LMBR1: variants seen among roughly 807,000 people sequenced by gnomAD.
The protein encoded by LMBR1 is limb development membrane protein 1.
In LMBR1, 52 loss-of-function variants were observed where a neutral mutation model predicts 73.9. The observed-to-expected ratio is 0.70, with a 90% CI of 0.56 to 0.89. The LOEUF (loss-of-function observed/expected upper bound fraction) is 0.89. Ranked by LOEUF, LMBR1 falls within the 40% of genes least tolerant of loss-of-function variation. LMBR1 has a pLI of 0.00. For missense variants in LMBR1, 539 were observed against 579.8 expected (o/e 0.93, Z 0.72); for synonymous variants, 215 against 209.4 (o/e 1.03, Z -0.23).
chr7:156,869,978 T>G (rs986523571), intron 1 of LMBR1, among the ~76,000 whole-genome samples: 12 of 152,034 alleles, frequency 7.9e-5, no homozygotes, highest in African/African-American at 2.9e-4. Context: ...TAAAAGACAT[T>G]TGACAATGAT....
chr7:156,789,244 C>A (rs978711321), intron 5 of LMBR1, among the ~76,000 whole-genome samples: 3 of 152,128 alleles, frequency 2.0e-5, no homozygotes, highest in Non-Finnish European at 4.4e-5. Flanking sequence ...TAAAAGAAGA[C>A]ACATTCACAT....
In LMBR1 at chr7:156,669,910, T is replaced by A. The variant is rs1325043680; in HGVS notation, n.867-623A>T. ...AGGAGGGCGGGCGGTCATGGCCTAG[T>A]GCCATGAAAATGAAACACAGATCCC... is the stretch of plus-strand genomic sequence containing the variant. On this transcript the variant is annotated intron_variant and non_coding_transcript_variant, in intron 4 of 4. Transcript: ENST00000430825. This position sits in a 1 kb window ranked among gnomAD's most constrained non-coding sequence, Gnocchi z 4.2. Among the ~76,000 whole-genome samples, 7 of 152,108 alleles carry A rather than the reference T, an allele frequency of 4.6e-5. No individual in the cohort carries two copies. Among genetic ancestry groups the A allele is most frequent in the Admixed American group, 4.6e-4 (7 of 15,270 alleles).
chr7:156,795,696 GTA>G (rs1327356863), intron 5 of LMBR1, among the ~76,000 whole-genome samples: 26 of 152,058 alleles, frequency 1.7e-4, no homozygotes, highest in Non-Finnish European at 4.4e-5. Context: ...GGGACCACAG[GTA>G]CCCATCGCCA....
At chr7:156,697,841 C>T (rs1808664080) in intron 15 of LMBR1, among the ~76,000 whole-genome samples, 1 of 152,134 alleles carries the variant, frequency 6.6e-6, no homozygotes, top group Non-Finnish European at 1.5e-5. Context: ...TGACATACAT[C>T]GTCTGCTTAT....
intron 5 of LMBR1, chr7:156,779,685 T>C (rs1211070680): frequency 2.3e-5 from 30 of 1,286,980 alleles, no homozygotes; most frequent in Non-Finnish European, 2.4e-5. Context: ...GTCATGTTTC[T>C]ATGGTGATGA....
intron 5 of LMBR1, among the ~76,000 whole-genome samples, chr7:156,795,103 C>A (rs537337596): frequency 2.0e-5 from 3 of 152,130 alleles, no homozygotes; most frequent in Admixed American, 6.5e-5. Flanking sequence ...ACCGGCCATT[C>A]CCTCAATACT....
intron 1 of LMBR1, among the ~76,000 whole-genome samples, chr7:156,886,974 G>A (rs957683299): frequency 1.3e-5 from 2 of 152,054 alleles, no homozygotes; most frequent in Non-Finnish European, 2.9e-5. Context: ...GGTTTCCTGG[G>A]GTCCCCTTAG....
chr7:156,827,676 G>A (rs906433689), intron 3 of LMBR1, among the ~76,000 whole-genome samples: 8 of 151,852 alleles, frequency 5.3e-5, no homozygotes, highest in African/African-American at 1.9e-4. Context: ...AGTTAATATT[G>A]GAAGAAAGTA....
Position 156,703,383 on chromosome 7 carries a change from TCAGCAG to T in LMBR1, c.1226-15198_1226-15193del, listed in dbSNP as rs1452034172. Among the ~76,000 whole-genome samples, 2 of 152,104 alleles carry T rather than the reference TCAGCAG, an allele frequency of 1.3e-5. 1 individual carries two copies. ...AGGAACCAGGCTGTCTCCTAAGACCTCAGCAGGAGGAGAGTTGCCTCAGAGGCCAGG... is the reference window on the plus strand; with the variant it reads ...AGGAACCAGGCTGTCTCCTAAGACCTGAGGAGAGTTGCCTCAGAGGCCAGG... On this transcript the variant is annotated intron_variant, in intron 15 of 16. Coordinates refer to ENST00000353442, the MANE Select transcript of LMBR1 (RefSeq NM_022458.4).
intron 9 of LMBR1, among the ~76,000 whole-genome samples, chr7:156,743,854 C>T (rs571953797): frequency 1.6e-4 from 24 of 152,296 alleles, no homozygotes; most frequent in Non-Finnish European, 2.2e-4. Flanking sequence ...GCTCTCACAA[C>T]GCTTTAATCA....
chr7:156,763,847 C>A, intron 5 of LMBR1, 52 bp from the exon 6 acceptor site: 2 of 1,472,564 alleles, frequency 1.4e-6, no homozygotes, highest in East Asian at 2.4e-5. Flanking sequence ...ATTTCATGAA[C>A]AATAAGGTTT....
intron 15 of LMBR1, among the ~76,000 whole-genome samples, chr7:156,714,199 A>T (rs1812700999): frequency 1.3e-5 from 2 of 152,252 alleles, no homozygotes; most frequent in African/African-American, 4.8e-5. Context: ...AGGAGCGTAG[A>T]GCTTTATGGA....
At chr7:156,808,612 T>G in intron 4 of LMBR1, among the ~76,000 whole-genome samples, 1 of 152,236 alleles carries the variant, frequency 6.6e-6, no homozygotes, top group East Asian at 1.9e-4. Context: ...TCTATCAACT[T>G]GCTTTTTGTT....
chr7:156,747,124 T>A (rs927771461), intron 9 of LMBR1, among the ~76,000 whole-genome samples: 2 of 152,198 alleles, frequency 1.3e-5, no homozygotes, highest in Non-Finnish European at 2.9e-5. Context: ...GCATTCCCCT[T>A]AGGTGATTGG....
At chr7:156,864,280 A>G (rs1392218545) in intron 1 of LMBR1, among the ~76,000 whole-genome samples, 1 of 152,238 alleles carries the variant, frequency 6.6e-6, no homozygotes, top group Non-Finnish European at 1.5e-5. Context: ...GTTCATAAAC[A>G]TAATTAGAAC....
chr7:156,796,521 A>G (rs1830076206), intron 4 of LMBR1, 29 bp from the exon 5 acceptor site: 1 of 1,437,952 alleles, frequency 7.0e-7, no homozygotes. Flanking sequence ...GAAAAGAAGA[A>G]AAACAGGTTA....
intron 1 of LMBR1, among the ~76,000 whole-genome samples, chr7:156,845,418 T>C (rs1204147699): frequency 2.0e-5 from 3 of 151,410 alleles, no homozygotes; most frequent in Admixed American, 6.6e-5. Context: ...AAAAATAAAA[T>C]AGAAAAATCC....
At chr7:156,839,294 C>G (rs376074895) in intron 1 of LMBR1, among the ~76,000 whole-genome samples, 2 of 151,944 alleles carry the variant, frequency 1.3e-5, no homozygotes, top group Non-Finnish European at 2.9e-5. Flanking sequence ...GGTGATCCAC[C>G]TGTGTCAGCC....
intron 15 of LMBR1, among the ~76,000 whole-genome samples, chr7:156,721,990 T>C (rs986892969): frequency 1.4e-5 from 2 of 142,488 alleles, no homozygotes; most frequent in Non-Finnish European, 3.0e-5. Flanking sequence ...CATTGAACAC[T>C]TTCATTTTTG....
Sources: gnomAD v4.1 joint callset for allele counts (sites outside exome capture counted in the v4.1 genomes callset) on GRCh38, gnomAD v4.1.1 for gene constraint, Gnocchi (gnomAD v3.1) non-coding constraint, MANE v1.5 for transcripts, NCBI Gene and HGNC (gene_info 2026-07-23, HGNC 2026-07-21) for gene names.